TRAPPC9: variants seen among roughly 807,000 people sequenced by gnomAD.
TRAPPC9 encodes the protein trafficking protein particle complex subunit 9.
A neutral mutation model predicts 124.0 loss-of-function variants in TRAPPC9; 83 were observed. That is an observed-to-expected ratio of 0.67 (90% CI 0.56 to 0.80). TRAPPC9 has a LOEUF of 0.80. Among genes scored for constraint, TRAPPC9 ranks in the 30% least tolerant of loss-of-function variants. TRAPPC9 has a pLI of 0.00. For synonymous variants in TRAPPC9, 638 were observed against 617.5 expected (o/e 1.03, Z -0.49); for missense variants, 1,302 against 1,508.3 (o/e 0.86, Z 2.27).
intron 17 of TRAPPC9, among the ~76,000 whole-genome samples, chr8:140,211,501 G>A (rs754543769): frequency 8.5e-5 from 13 of 152,186 alleles, no homozygotes; most frequent in Admixed American, 3.9e-4. Flanking sequence ...CAAGGCTACA[G>A]TGTGCTGTGA....
At chr8:140,285,504 A>G (rs556146114) in intron 13 of TRAPPC9, among the ~76,000 whole-genome samples, 10 of 152,232 alleles carry the variant, frequency 6.6e-5, no homozygotes, top group East Asian at 3.9e-4. Context: ...AGCAGCCCCA[A>G]TGCCCTCCAG....
chr8:139,949,812 T>TA (rs1834521456), intron 19 of TRAPPC9, among the ~76,000 whole-genome samples: 1 of 152,192 alleles, frequency 6.6e-6, no homozygotes. Context: ...GATAGTGTTC[T>TA]AAAATCAATC....
At chr8:139,967,943 A>C (rs1835812289) in intron 19 of TRAPPC9, among the ~76,000 whole-genome samples, 1 of 152,156 alleles carries the variant, frequency 6.6e-6, no homozygotes, top group South Asian at 2.1e-4. Context: ...GTTCCAGACC[A>C]GTCTGGCGAA....
chr8:139,757,272 G>A (rs1819901834), intron 21 of TRAPPC9, among the ~76,000 whole-genome samples: 2 of 138,128 alleles, frequency 1.4e-5, no homozygotes, highest in African/African-American at 2.8e-5. Flanking sequence ...ACAGCAGGTT[G>A]CAGGAGGAGC....
In TRAPPC9 at chr8:139,845,174, T is replaced by C. The variant is rs77785671; in HGVS notation, c.3055+40705A>G. 7.5e-3 allele frequency among the ~76,000 whole-genome samples: 1,138 copies of C among 152,332 alleles called. 9 individuals are homozygous for C. Among genetic ancestry groups the C allele is most frequent in the Non-Finnish European group, 0.013 (863 of 68,028 alleles). On this transcript the variant is annotated intron_variant, in intron 21 of 22. Coordinates refer to ENST00000438773, the MANE Select transcript of TRAPPC9 (RefSeq NM_001160372.4). ...CTTGGTTTACCATTTACTGGTTATA[T>C]GGTTGTATGACTTGGAAAAATTACT...
chr8:140,412,503 C>T (rs192591390), intron 5 of TRAPPC9, among the ~76,000 whole-genome samples: 4 of 152,248 alleles, frequency 2.6e-5, no homozygotes, highest in Admixed American at 2.0e-4. Context: ...ACGTTAAATT[C>T]TCTGATTTTA....
At chr8:140,081,381 T>G (rs912349232) in intron 17 of TRAPPC9, among the ~76,000 whole-genome samples, 2 of 145,042 alleles carry the variant, frequency 1.4e-5, no homozygotes, top group Non-Finnish European at 3.0e-5. Flanking sequence ...AGTCTCACTC[T>G]GTTGCCCAGG....
At chr8:139,898,983 G>A (rs555619029) in intron 20 of TRAPPC9, among the ~76,000 whole-genome samples, 4 of 151,812 alleles carry the variant, frequency 2.6e-5, no homozygotes, top group African/African-American at 7.3e-5. Flanking sequence ...AGCCAGGCAC[G>A]GTGGTGGGTG....
At chr8:139,934,257 G>C (rs1833375771) in intron 19 of TRAPPC9, among the ~76,000 whole-genome samples, 1 of 151,708 alleles carries the variant, frequency 6.6e-6, no homozygotes, top group Non-Finnish European at 1.5e-5. Context: ...AAATGTGGCT[G>C]AATCCCTGAC....
intron 13 of TRAPPC9, among the ~76,000 whole-genome samples, chr8:140,286,250 G>A (rs1237128553): frequency 6.6e-6 from 1 of 152,192 alleles, no homozygotes; most frequent in Non-Finnish European, 1.5e-5. Context: ...TAGGAGGGGA[G>A]AGGCAGAGAG....
intron 17 of TRAPPC9, among the ~76,000 whole-genome samples, chr8:140,211,893 A>G (rs2063070767): frequency 6.6e-6 from 1 of 152,226 alleles, no homozygotes; most frequent in African/African-American, 2.4e-5. Context: ...CAGCAATATA[A>G]GCAAAGGACA....
intron 17 of TRAPPC9, among the ~76,000 whole-genome samples, chr8:140,075,745 G>A (rs1843470569): frequency 6.6e-6 from 1 of 152,204 alleles, no homozygotes; most frequent in South Asian, 2.1e-4. Context: ...GCCCTTCACT[G>A]TAGAGGCATC....
At chr8:140,458,343 C>A, upstream of TRAPPC9, 1 of 1,587,174 alleles carries the variant, frequency 6.3e-7, no homozygotes, top group East Asian at 2.3e-5. Flanking sequence ...GTGGAGGCCC[C>A]GCGGAAGCCC....
At chr8:140,285,417 C>T (rs1364706767) in intron 13 of TRAPPC9, among the ~76,000 whole-genome samples, 1 of 152,202 alleles carries the variant, frequency 6.6e-6, no homozygotes, top group Non-Finnish European at 1.5e-5. Flanking sequence ...CCAGTCCTTC[C>T]CATCTCAACA....
intron 19 of TRAPPC9, among the ~76,000 whole-genome samples, chr8:139,948,851 C>A (rs552022122): frequency 4.2e-4 from 64 of 152,162 alleles, no homozygotes; most frequent in African/African-American, 1.5e-3. Context: ...GATGAGGTGG[C>A]GGATCACTTG....
intron 8 of TRAPPC9, among the ~76,000 whole-genome samples, chr8:140,367,162 C>A (rs527942677): frequency 5.9e-5 from 9 of 152,232 alleles, no homozygotes; most frequent in African/African-American, 1.9e-4. Context: ...GACAGTTTGG[C>A]GGGTTCTTAC....
At chr8:140,455,708 C>A (rs921749541) in intron 1 of TRAPPC9, among the ~76,000 whole-genome samples, 15 of 152,080 alleles carry the variant, frequency 9.9e-5, no homozygotes. Flanking sequence ...GGATTACAGG[C>A]GTGAGCCACC....
chr8:139,868,532 C>T (rs1000541665), intron 21 of TRAPPC9, among the ~76,000 whole-genome samples: 2 of 152,082 alleles, frequency 1.3e-5, no homozygotes, highest in Non-Finnish European at 2.9e-5. Flanking sequence ...AGATGGAGGC[C>T]ACTAGCTCAT....
intron 10 of TRAPPC9, among the ~76,000 whole-genome samples, chr8:140,310,180 C>T (rs1232364727): frequency 6.6e-6 from 1 of 152,158 alleles, no homozygotes; most frequent in Non-Finnish European, 1.5e-5. Flanking sequence ...CTCATAATAG[C>T]TTAATGCTAT....
Sources: gnomAD v4.1 joint callset for allele counts (sites outside exome capture counted in the v4.1 genomes callset) on GRCh38, gnomAD v4.1.1 for gene constraint, MANE v1.5 for transcripts, NCBI Gene and HGNC (gene_info 2026-07-23, HGNC 2026-07-21) for gene names.